MTUS2: variants seen among roughly 807,000 people sequenced by gnomAD.
The protein encoded by MTUS2 is microtubule-associated tumor suppressor candidate 2.
MTUS2 carries 40 observed loss-of-function variants against 114.1 expected under a neutral mutation model. The ratio of observed to expected loss-of-function variants is 0.35; its 90% CI spans 0.27 to 0.46. MTUS2 has a LOEUF of 0.46. MTUS2 is among the 20% of genes least tolerant of loss of function. The pLI is 1.00. For missense variants in MTUS2, 1,679 were observed against 1,705.4 expected (o/e 0.98, Z 0.27); for synonymous variants, 688 against 672.0 (o/e 1.02, Z -0.37).
intron 4 of MTUS2, among the ~76,000 whole-genome samples, chr13:29,062,011 G>T (rs1388781164): frequency 6.6e-6 from 1 of 152,062 alleles, no homozygotes; most frequent in Non-Finnish European, 1.5e-5. Context: ...TTGAGATAGG[G>T]TCTCCTTCTG....
At chr13:28,915,644 T>G (rs1880704186) in intron 2 of MTUS2, among the ~76,000 whole-genome samples, 1 of 151,964 alleles carries the variant, frequency 6.6e-6, no homozygotes, top group South Asian at 2.1e-4. Flanking sequence ...AAAATCAGAT[T>G]ATTAGATTTT....
intron 8 of MTUS2, among the ~76,000 whole-genome samples, chr13:29,365,099 C>T (rs554833343): frequency 6.6e-6 from 1 of 152,312 alleles, no homozygotes; most frequent in South Asian, 2.1e-4. Context: ...CCCCACAGTG[C>T]TTTGATAAAA....
chr13:29,376,385 C>G (rs536762810), intron 8 of MTUS2, among the ~76,000 whole-genome samples: 2 of 152,002 alleles, frequency 1.3e-5, no homozygotes, highest in Non-Finnish European at 2.9e-5. Context: ...TCATAATTCC[C>G]AGACCAACAA....
At chr13:29,412,922 C>T (rs999887808) in intron 8 of MTUS2, among the ~76,000 whole-genome samples, 1 of 152,158 alleles carries the variant, frequency 6.6e-6, no homozygotes, top group African/African-American at 2.4e-5. Flanking sequence ...TTACCAGCTT[C>T]ACAGGCTACC....
intron 7 of MTUS2, among the ~76,000 whole-genome samples, chr13:29,343,373 T>A (rs1901500289): frequency 6.6e-6 from 1 of 152,124 alleles, no homozygotes; most frequent in Non-Finnish European, 1.5e-5. Context: ...TCTTCCTGGT[T>A]TAATCTAGGA....
At chr13:29,465,357 C>T (rs1376133921) in intron 9 of MTUS2, among the ~76,000 whole-genome samples, 3 of 152,182 alleles carry the variant, frequency 2.0e-5, no homozygotes, top group African/African-American at 7.2e-5. Flanking sequence ...ACAGGAGCAT[C>T]AGCTGGTAAG....
At chr13:29,158,358 C>CCCCCCCTCCTTTT in intron 5 of MTUS2, among the ~76,000 whole-genome samples, 1 of 32,050 alleles carries the variant, frequency 3.1e-5, no homozygotes, top group Non-Finnish European at 5.1e-5. Context: ...GTCCACCCCG[C>CCCCCCCTCCTTTT]TTTTTTTTTT....
intron 7 of MTUS2, among the ~76,000 whole-genome samples, chr13:29,353,489 T>TG (rs1424478611): frequency 6.6e-6 from 1 of 152,068 alleles, no homozygotes; most frequent in African/African-American, 2.4e-5. Flanking sequence ...TTTATACAGG[T>TG]GGGGTCTTCC....
rs1883052599 is a variant in MTUS2 at position 29,503,551 on chromosome 13, G to A, written c.*345G>A. On this transcript the variant is annotated 3_prime_UTR_variant, in exon 16 of 16. Coordinates refer to ENST00000612955, the MANE Select transcript of MTUS2 (RefSeq NM_001033602.4). ...TTGAATAATCATTGTGTACTGCACC[G>A]ATATGTGTGTATATTTAGATATACG... The A allele has an allele frequency of 2.3e-6, 1 of 429,228 alleles. No homozygotes were observed. The highest frequency in any genetic ancestry group is 3.7e-5 in the Admixed American group (1 of 26,930). 26.6% of individuals were successfully genotyped at this position (429,228 alleles called of 1,614,324 possible).
rs182114581 is a variant in MTUS2, at chr13:29,273,608, C to A, written c.2645-8096C>A. Among the ~76,000 whole-genome samples the A allele has an allele frequency of 7.9e-5, 12 of 152,200 alleles. 1 individual carries two copies. The East Asian group carries it at 2.3e-3, about 29-fold the overall frequency. Reference sequence around the variant, plus strand: ...TTAAAGTGTATAATTTAGTGACTTTCAGTATATTCACAAGGTTATGCAATA... The same window carrying A: ...TTAAAGTGTATAATTTAGTGACTTTAAGTATATTCACAAGGTTATGCAATA... On this transcript the variant is annotated intron_variant, in intron 5 of 15. Transcript: ENST00000612955.
chr13:29,214,802 T>C (rs1895610992), intron 5 of MTUS2, among the ~76,000 whole-genome samples: 1 of 152,204 alleles, frequency 6.6e-6, no homozygotes, highest in Non-Finnish European at 1.5e-5. Flanking sequence ...ATTTTTTCCT[T>C]TGTTTCAACC....
chr13:29,295,936 C>T (rs889986449), intron 6 of MTUS2, among the ~76,000 whole-genome samples: 1 of 152,160 alleles, frequency 6.6e-6, no homozygotes, highest in East Asian at 1.9e-4. Flanking sequence ...CCACCGGGTC[C>T]CTCCCATAAC....
chr13:29,484,478 C>T (rs774212516), intron 10 of MTUS2, among the ~76,000 whole-genome samples: 1 of 152,250 alleles, frequency 6.6e-6, no homozygotes, highest in Non-Finnish European at 1.5e-5. Context: ...CCTCTGTCAA[C>T]ACCTGCCTGT....
intron 2 of MTUS2, among the ~76,000 whole-genome samples, chr13:28,983,272 T>C (rs1044348644): frequency 6.6e-6 from 1 of 152,122 alleles, no homozygotes; most frequent in Non-Finnish European, 1.5e-5. Context: ...TGCATGACCA[T>C]CAAGCTAATC....
intron 2 of MTUS2, among the ~76,000 whole-genome samples, chr13:28,976,195 C>T (rs1332823997): frequency 1.6e-5 from 2 of 124,758 alleles, no homozygotes. Context: ...CAGAATGAGA[C>T]CTTGTCTCAA....
chr13:29,481,313 G>T (rs1881152705), intron 10 of MTUS2, among the ~76,000 whole-genome samples: 2 of 152,208 alleles, frequency 1.3e-5, no homozygotes, highest in Admixed American at 1.3e-4. Context: ...TCTTGTCCAT[G>T]ACTGCCGTTA....
chr13:29,334,613 T>G (rs1261164950), intron 7 of MTUS2, among the ~76,000 whole-genome samples: 1 of 152,200 alleles, frequency 6.6e-6, no homozygotes, highest in Non-Finnish European at 1.5e-5. Flanking sequence ...ACCTGACTTT[T>G]GTCTGTGGCT....
chr13:29,043,639 A>G (rs1566319850), intron 4 of MTUS2, among the ~76,000 whole-genome samples: 1 of 151,382 alleles, frequency 6.6e-6, no homozygotes, highest in African/African-American at 2.4e-5. Context: ...AGATATATAT[A>G]TATATATTTA....
At chr13:29,146,760 A>G (rs994103091) in intron 5 of MTUS2, among the ~76,000 whole-genome samples, 4 of 152,222 alleles carry the variant, frequency 2.6e-5, no homozygotes, top group Admixed American at 6.5e-5. Flanking sequence ...AGTTGAGTAT[A>G]TTAATCCTAC....
Sources: allele counts gnomAD v4.1 joint callset (sites outside exome capture counted in the v4.1 genomes callset), GRCh38; gene constraint gnomAD v4.1.1; transcripts MANE v1.5; gene names NCBI Gene and HGNC (gene_info 2026-07-23, HGNC 2026-07-21).